The following PCDH9 variants were observed in gnomAD, a reference collection of about 807,000 sequenced individuals.
The protein encoded by PCDH9 is protocadherin-9.
A neutral mutation model predicts 70.6 loss-of-function variants in PCDH9; 24 were observed. The observed-to-expected ratio is 0.34, with a 90% CI of 0.25 to 0.48. The LOEUF (loss-of-function observed/expected upper bound fraction) is 0.48, where lower values mean the gene tolerates loss of function less well. PCDH9 is among the 20% of genes least tolerant of loss of function. The probability of loss-of-function intolerance (pLI) is 0.99; values close to 1 mark genes in which losing one functional copy is unlikely to be tolerated. For synonymous variants in PCDH9, 562 were observed against 558.5 expected (o/e 1.01, Z -0.09); for missense variants, 1,281 against 1,503.6 (o/e 0.85, Z 2.45).
At chr13:66,832,397 T>C (rs916917492) in intron 3 of PCDH9, among the ~76,000 whole-genome samples, 1 of 152,112 alleles carries the variant, frequency 6.6e-6, no homozygotes, top group Non-Finnish European at 1.5e-5. Context: ...CGTTTTTCCC[T>C]ACATTTTATC....
chr13:67,164,452 A>G (rs542566021), intron 2 of PCDH9, among the ~76,000 whole-genome samples: 81 of 151,796 alleles, frequency 5.3e-4, no homozygotes, highest in African/African-American at 2.0e-3. Context: ...GCAGGCACCT[A>G]TAATCCCAGC....
intron 2 of PCDH9, among the ~76,000 whole-genome samples, chr13:67,069,263 C>T (rs2138149056): frequency 6.6e-6 from 1 of 152,170 alleles, no homozygotes; most frequent in Non-Finnish European, 1.5e-5. Context: ...AGGAAAAGAA[C>T]ATCATGAATA....
chr13:67,155,548 T>A (rs142122879), intron 2 of PCDH9, among the ~76,000 whole-genome samples: 1,684 of 152,232 alleles, frequency 0.011, 20 homozygotes, highest in Middle Eastern at 0.027. Context: ...AGGGAGCATA[T>A]GTTAGATGCT....
At position 67,064,891 on chromosome 13, in the gene PCDH9, AATAGATAGATAGATAG is replaced by A. The variant is rs71110626; in HGVS notation, c.3036+160498_3036+160513del. ...ATGTGTGTGTATCTGCCTGTGTGGA[AATAGATAGATAGATAG>A]ATAGATAGATAGATAGATAGATAGA... On this transcript the variant is annotated intron_variant, in intron 2 of 4. Transcript: ENST00000377865. Among the ~76,000 whole-genome samples the A allele has an allele frequency of 2.9e-3, 436 of 148,958 alleles. 1 individual carries two copies. The highest frequency in any genetic ancestry group is 0.017 in the Middle Eastern group (5 of 290).
chr13:66,699,441 C>A (rs374695201), intron 3 of PCDH9, among the ~76,000 whole-genome samples: 31 of 152,194 alleles, frequency 2.0e-4, no homozygotes, highest in African/African-American at 7.0e-4. Flanking sequence ...GAGAAAATAT[C>A]TTCAGATAAA....
At chr13:66,435,062 T>A (rs1205575655) in intron 4 of PCDH9, among the ~76,000 whole-genome samples, 1 of 152,106 alleles carries the variant, frequency 6.6e-6, no homozygotes, top group Non-Finnish European at 1.5e-5. Flanking sequence ...AAGGAAATCC[T>A]AAAGGTGCAA....
chr13:66,910,905 T>G (rs1344126599), intron 2 of PCDH9, among the ~76,000 whole-genome samples: 1 of 152,204 alleles, frequency 6.6e-6, no homozygotes, highest in Non-Finnish European at 1.5e-5. Context: ...CGTGTTCCAT[T>G]GAGTTTCTGT....
At chr13:66,902,532 G>T (rs1390042112) in intron 3 of PCDH9, among the ~76,000 whole-genome samples, 1 of 151,250 alleles carries the variant, frequency 6.6e-6, no homozygotes. Context: ...AGGGAATGGA[G>T]GGGACCTACG....
chr13:66,343,100 CAT>C (rs1296033256), intron 4 of PCDH9, among the ~76,000 whole-genome samples: 1 of 152,120 alleles, frequency 6.6e-6, no homozygotes, highest in African/African-American at 2.4e-5. Flanking sequence ...TAGCTGGGGA[CAT>C]ATATTTAATT....
At chr13:66,963,926 G>A (rs537392553) in intron 2 of PCDH9, among the ~76,000 whole-genome samples, 5 of 152,002 alleles carry the variant, frequency 3.3e-5, no homozygotes, top group Admixed American at 6.6e-5. Flanking sequence ...TGTTCTCTTA[G>A]GTTAAGTTCA....
intron 4 of PCDH9, among the ~76,000 whole-genome samples, chr13:66,381,957 G>T (rs1219411947): frequency 6.6e-6 from 1 of 151,766 alleles, no homozygotes; most frequent in African/African-American, 2.4e-5. Flanking sequence ...ATGTGATAAG[G>T]GATGTGTAAG....
intron 4 of PCDH9, among the ~76,000 whole-genome samples, chr13:66,588,716 A>C (rs1197843948): frequency 1.3e-5 from 2 of 151,936 alleles, no homozygotes; most frequent in Non-Finnish European, 2.9e-5. Context: ...AGAGCTGTTA[A>C]ACAAGTTCTT....
intron 3 of PCDH9, among the ~76,000 whole-genome samples, chr13:66,837,290 G>A (rs2081037745): frequency 6.6e-6 from 1 of 151,884 alleles, no homozygotes; most frequent in South Asian, 2.1e-4. Context: ...AATTTCCCAG[G>A]TCCTTTTCTG....
intron 4 of PCDH9, among the ~76,000 whole-genome samples, chr13:66,619,625 T>C (rs1159597829): frequency 6.6e-6 from 1 of 152,168 alleles, no homozygotes; most frequent in Non-Finnish European, 1.5e-5. Context: ...AAATTAAGCC[T>C]GCATTATATG....
At chr13:67,093,393 G>T (rs1463260390) in intron 2 of PCDH9, among the ~76,000 whole-genome samples, 2 of 152,072 alleles carry the variant, frequency 1.3e-5, no homozygotes, top group Non-Finnish European at 2.9e-5. Flanking sequence ...GGCAGAGGTT[G>T]CAGTGAGCTA....
intron 3 of PCDH9, among the ~76,000 whole-genome samples, chr13:66,681,958 T>C (rs546513152): frequency 1.0e-4 from 15 of 149,002 alleles, no homozygotes; most frequent in African/African-American, 3.7e-4. Context: ...AACATATATA[T>C]ATATATATAT....
chr13:67,167,046 T>G (rs1245246519), intron 2 of PCDH9, among the ~76,000 whole-genome samples: 1 of 152,250 alleles, frequency 6.6e-6, no homozygotes, highest in East Asian at 1.9e-4. Context: ...CTTACAATCA[T>G]ATATTTTATA....
chr13:66,976,039 G>A (rs2083612347), intron 2 of PCDH9, among the ~76,000 whole-genome samples: 2 of 151,824 alleles, frequency 1.3e-5, no homozygotes, highest in African/African-American at 4.8e-5. Context: ...AGAAAAATAG[G>A]GCCTTCAAGA....
At chr13:66,921,854 C>T (rs2082641442) in intron 2 of PCDH9, among the ~76,000 whole-genome samples, 1 of 151,344 alleles carries the variant, frequency 6.6e-6, no homozygotes, top group African/African-American at 2.4e-5. Context: ...ATAGTTTCAA[C>T]AGTCATTTAA....
Sources: allele counts gnomAD v4.1 joint callset (sites outside exome capture counted in the v4.1 genomes callset), GRCh38; gene constraint gnomAD v4.1.1; transcripts MANE v1.5; gene names NCBI Gene and HGNC (gene_info 2026-07-23, HGNC 2026-07-21).